Variants in LY9 observed in about 807,000 individuals in gnomAD.
The protein encoded by LY9 is lymphocyte antigen 9.
LY9 carries 59 observed loss-of-function variants against 64.6 expected under a neutral mutation model. The observed-to-expected ratio is 0.91, with a 90% CI of 0.74 to 1.13. The LOEUF is 1.13. Ranked by LOEUF, LY9 falls within the 50% of genes most tolerant of loss-of-function variation. The pLI, the probability that LY9 is intolerant of heterozygous loss-of-function variation, is 0.00. For missense variants in LY9, 789 were observed against 797.2 expected (o/e 0.99, Z 0.12); for synonymous variants, 281 against 308.5 (o/e 0.91, Z 0.93).
chr1:160,816,971 C>A, intron 5 of LY9, 108 bp downstream of exon 5: 1 of 1,072,676 alleles, frequency 9.3e-7, no homozygotes, highest in Non-Finnish European at 1.4e-6. Flanking sequence ...GGGTGAGAGC[C>A]CTTTAGAGTG....
rs1286820975 is a variant in LY9 at position 160,814,703 on chromosome 1, C to T, written c.1014C>T (p.Tyr338=). The T allele has an allele frequency of 7.4e-6, 12 of 1,614,066 alleles. No individual in the cohort carries two copies. Among genetic ancestry groups the T allele is most frequent in the South Asian group, 3.3e-5 (3 of 91,084 alleles). The part of the protein sequence containing the change: ...KIEDAGPYHA[Y]VCSEASSVTS... ...AGGACGCCGGCCCCTACCATGCCTA[C>T]GTGTGCTCAGAGGCCTCCAGCGTCA... is the stretch of plus-strand genomic sequence containing the variant. The change falls in exon 4 of 10, where the codon TAC becomes TAT. Residue 338 remains tyrosine, a synonymous_variant. Transcript: ENST00000263285.
rs748734850 is a variant in LY9 at position 160,818,289 on chromosome 1, A to G, written c.1414A>G (p.Ser472Gly). 10 of 1,613,906 alleles carry G rather than the reference A, an allele frequency of 6.2e-6. No individual in the cohort carries two copies. Among genetic ancestry groups the G allele is most frequent in the Non-Finnish European group, 8.5e-7 (1 of 1,179,972 alleles). Residue 472 changes from serine to glycine, a missense_variant, in exon 6 of 10, where the codon AGC (serine) becomes GGC (glycine). Coordinates refer to ENST00000263285, the MANE Select transcript of LY9 (RefSeq NM_002348.4). ...TTGCCTTCTGTGCGTTGGGATCTTC[A>G]GCTGGTGCATTTGGAAGCGAAAAGG... is the stretch of plus-strand genomic sequence containing the variant. ...MVCLLCVGIF[S>G]WCIWKRKGRC...
At chr1:160,818,125 G>A in intron 5 of LY9, 93 bp from the exon 6 acceptor site, 1 of 782,914 alleles carries the variant, frequency 1.3e-6, no homozygotes. Context: ...GGATTTTAAG[G>A]GGCAGGTAGG....
rs1202534657 is a variant in LY9 at position 160,823,446 on chromosome 1, C to A, written c.1499-19C>A. The A allele has an allele frequency of 6.3e-7, 1 of 1,589,738 alleles. No individual in the cohort carries two copies. Among genetic ancestry groups the A allele is most frequent in the Non-Finnish European group, 8.6e-7 (1 of 1,161,718 alleles). Reference sequence around the variant, plus strand: ...GTGGGGTTGGCATACTTTTATCAGCCCTGCACAATGTGTTCCAGAACCCAC... The same window carrying A: ...GTGGGGTTGGCATACTTTTATCAGCACTGCACAATGTGTTCCAGAACCCAC... On this transcript the variant is annotated intron_variant, in intron 7 of 9. Transcript: ENST00000263285.
Position 160,799,750 on chromosome 1 carries a change from C to T in LY9, c.125-3C>T. On this transcript the variant is annotated splice_region_variant and splice_polypyrimidine_tract_variant and intron_variant, in intron 1 of 9. Coordinates refer to ENST00000263285, the MANE Select transcript of LY9 (RefSeq NM_002348.4). ...CCTCCAAGTCCCTCTTCTATCTCTG[C>T]AGGACTAAGAGCCTCTGGAAAGGAC... 1 of 1,602,694 alleles carries T rather than the reference C, an allele frequency of 6.2e-7. No individual in the cohort carries two copies. Among genetic ancestry groups the T allele is most frequent in the Non-Finnish European group, 8.5e-7 (1 of 1,171,702 alleles).
chr1:160,801,897 G>A (rs375786426), intron 2 of LY9: 2 of 1,613,730 alleles, frequency 1.2e-6, no homozygotes, highest in African/African-American at 2.7e-5. Flanking sequence ...TGAGCCACGT[G>A]TGAGCGTGCG....
intron 2 of LY9, among the ~76,000 whole-genome samples, chr1:160,809,333 T>TTTA (rs138398905): frequency 0.047 from 6,607 of 140,170 alleles, 292 homozygotes; most frequent in African/African-American, 0.11. Context: ...AAATCCTGAA[T>TTTA]TTATTATTAT....
At chr1:160,800,466 T>C (rs971645313) in intron 2 of LY9, among the ~76,000 whole-genome samples, 19 of 152,238 alleles carry the variant, frequency 1.2e-4, no homozygotes, top group Non-Finnish European at 4.4e-5. Context: ...TTTTTGTGCC[T>C]AGCTTATTTA....
chr1:160,819,472 G>A (rs964689384), intron 7 of LY9, 98 bp downstream of exon 7: 25 of 1,063,132 alleles, frequency 2.4e-5, no homozygotes, highest in African/African-American at 7.8e-5. Context: ...AGCAGTGTGG[G>A]CATCACCCAG....
intron 2 of LY9, chr1:160,802,775 G>A: frequency 1.7e-6 from 1 of 577,080 alleles, no homozygotes; most frequent in Non-Finnish European, 2.2e-6. Context: ...TTTGTCAAAG[G>A]TCAATTGGCT....
At chr1:160,802,143 C>A in intron 2 of LY9, 1 of 1,300,420 alleles carries the variant, frequency 7.7e-7, no homozygotes, top group Non-Finnish European at 9.8e-7. Context: ...TGTGAAGAGC[C>A]GCTGACGCCC....
chr1:160,813,979 C>A, intron 3 of LY9, 68 bp downstream of exon 3: 3 of 1,510,510 alleles, frequency 2.0e-6, no homozygotes, highest in South Asian at 2.5e-5. Flanking sequence ...GAGTCTAAAC[C>A]CTAGGATCCT....
intron 1 of LY9, 100 bp downstream of exon 1, chr1:160,796,411 T>C: frequency 7.1e-7 from 1 of 1,404,484 alleles, no homozygotes; most frequent in Non-Finnish European, 9.6e-7. Context: ...TTTTGTTTTT[T>C]TTAACGGAGT....
intron 2 of LY9, among the ~76,000 whole-genome samples, chr1:160,806,438 T>A (rs1189757877): frequency 6.6e-6 from 1 of 152,244 alleles, no homozygotes. Context: ...TAAGACCCCA[T>A]CTAGTGGTAA....
At chr1:160,815,090 C>T (rs945552563) in intron 4 of LY9, 2 of 255,260 alleles carry the variant, frequency 7.8e-6, no homozygotes, top group East Asian at 7.8e-5. Context: ...CCTATAATCC[C>T]GGTACTTTGG....
At position 160,827,587 on chromosome 1, in the gene LY9, T is replaced by C. The variant is rs1473718659; in HGVS notation, c.1900-161T>C. ...TCCTATTAGGAGCCTCCATAAATGC[T>C]TGGCATCAGGCTGGTTGATTGCGCC... On this transcript the variant is annotated intron_variant, in intron 9 of 9. Transcript: ENST00000263285. Among the ~76,000 whole-genome samples, 5 of 152,204 alleles carry C rather than the reference T, an allele frequency of 3.3e-5. No homozygotes were observed. In the East Asian group the frequency reaches 9.6e-4, roughly 29 times the overall value.
At chr1:160,797,060 G>C in intron 1 of LY9, 5 of 964,636 alleles carry the variant, frequency 5.2e-6, no homozygotes, top group Non-Finnish European at 6.2e-6. Context: ...GGGCAAGGTG[G>C]CGTTTATCTG....
At chr1:160,824,649 A>T (rs1668745015) in intron 9 of LY9, 1 of 982,594 alleles carries the variant, frequency 1.0e-6, no homozygotes, top group Non-Finnish European at 1.2e-6. Flanking sequence ...TGGAAAATAC[A>T]CCACCACCTA....
chr1:160,824,338 A>C, intron 9 of LY9, 89 bp downstream of exon 9: 1 of 1,570,528 alleles, frequency 6.4e-7, no homozygotes, highest in Non-Finnish European at 8.6e-7. Flanking sequence ...CGAGATTCCC[A>C]TGGCTAAGGA....
Sources: allele counts gnomAD v4.1 joint callset (sites outside exome capture counted in the v4.1 genomes callset), GRCh38; gene constraint gnomAD v4.1.1; transcripts MANE v1.5; gene names NCBI Gene and HGNC (gene_info 2026-07-23, HGNC 2026-07-21).